The following GALNT9 variants were observed in gnomAD, a reference collection of about 807,000 sequenced individuals.
GALNT9 encodes the protein polypeptide N-acetylgalactosaminyltransferase 9.
Under a neutral mutation model 63.1 loss-of-function variants are expected in GALNT9, and 47 were observed. The ratio of observed to expected loss-of-function variants is 0.75; its 90% CI spans 0.59 to 0.95. The LOEUF (loss-of-function observed/expected upper bound fraction) is 0.95. GALNT9 is among the 40% of genes least tolerant of loss of function. The pLI is 0.00. For synonymous variants in GALNT9, 396 were observed against 365.7 expected (o/e 1.08, Z -0.94); for missense variants, 829 against 874.8 (o/e 0.95, Z 0.66).
In GALNT9 at chr12:132,282,394, C is replaced by CGTGT. The variant is rs1203756148; in HGVS notation, c.419+3852_419+3855dup. On this transcript the variant is annotated intron_variant, in intron 2 of 10. Transcript: ENST00000328957. This position sits in a 1 kb window ranked among gnomAD's most constrained non-coding sequence, Gnocchi z 4.5. ...GTGCTTAAAGAAAAAACTAAAAATA[C>CGTGT]GTGTGTGCGCGTGTGTGCGTGTGTG... 1.3e-5 allele frequency among the ~76,000 whole-genome samples: 2 copies of CGTGT among 149,326 alleles called. No individual in the cohort carries two copies. Among genetic ancestry groups the CGTGT allele is most frequent in the African/African-American group, 5.1e-5 (2 of 39,074 alleles).
chr12:132,235,396 G>T (rs1392754165), intron 6 of GALNT9, among the ~76,000 whole-genome samples: 1 of 152,182 alleles, frequency 6.6e-6, no homozygotes, highest in East Asian at 1.9e-4. Context: ...TGAACCCAGG[G>T]TCCTAGAGGA....
At chr12:132,248,136 T>C in intron 5 of GALNT9, 109 bp from the exon 6 acceptor site, 1 of 1,436,340 alleles carries the variant, frequency 7.0e-7, no homozygotes, top group East Asian at 2.5e-5. Context: ...CTCCCTCCTG[T>C]GCCTCCTCCC....
intron 1 of GALNT9, 100 bp downstream of exon 1, chr12:132,328,866 C>T (rs1869158241): frequency 2.3e-6 from 3 of 1,327,384 alleles, no homozygotes; most frequent in Non-Finnish European, 3.0e-6. Flanking sequence ...CACAGGGGCG[C>T]AGAGGGGCGC....
intron 6 of GALNT9, among the ~76,000 whole-genome samples, chr12:132,219,148 G>C (rs561841807): frequency 6.6e-6 from 1 of 152,196 alleles, no homozygotes; most frequent in East Asian, 1.9e-4. Flanking sequence ...TCCCTTGATC[G>C]GCAGAACGAC....
chr12:132,323,907 T>C (rs1213471080), intron 1 of GALNT9, among the ~76,000 whole-genome samples: 1 of 151,528 alleles, frequency 6.6e-6, no homozygotes, highest in East Asian at 2.0e-4. Context: ...GACTGAAGCC[T>C]CCAGGGCGCT....
chr12:132,309,106 G>A (rs1039447299), intron 1 of GALNT9, among the ~76,000 whole-genome samples: 16 of 152,204 alleles, frequency 1.1e-4, no homozygotes, highest in African/African-American at 3.4e-4. Context: ...CACATCCACC[G>A]GGCTGCAGGC....
At chr12:132,299,778 A>G (rs1555243669) in intron 1 of GALNT9, among the ~76,000 whole-genome samples, 42 of 121,106 alleles carry the variant, frequency 3.5e-4, no homozygotes, top group Middle Eastern at 6.8e-3. Context: ...GAGATGACCA[A>G]CCCACTCCTG....
Position 132,296,436 on chromosome 12 carries a change from A to T in GALNT9, c.239-10006T>A, listed in dbSNP as rs1360762563. Among the ~76,000 whole-genome samples the T allele has an allele frequency of 6.6e-6, 1 of 152,222 alleles. No homozygotes were observed. The highest frequency in any genetic ancestry group is 1.9e-4 in the East Asian group (1 of 5,196). On this transcript the variant is annotated intron_variant, in intron 1 of 10. Transcript: ENST00000328957. The surrounding 1 kb of genome is among the most constrained non-coding windows in gnomAD (Gnocchi z 4.2). ...CATGGGTGTCTTCCTGGGCTGCGTG[A>T]TATCAATCCCAAGTTTTCCTCTTTG...
chr12:132,215,107 A>G (rs1183528656), intron 6 of GALNT9, among the ~76,000 whole-genome samples: 1 of 152,194 alleles, frequency 6.6e-6, no homozygotes, highest in African/African-American at 2.4e-5. Context: ...GAAACGCGAC[A>G]CAATCGCTGT....
At chr12:132,251,741 G>A (rs1184989762) in intron 5 of GALNT9, among the ~76,000 whole-genome samples, 1 of 146,672 alleles carries the variant, frequency 6.8e-6, no homozygotes, top group Non-Finnish European at 1.5e-5. Flanking sequence ...CCAGAGCTTT[G>A]GAGGGAATAA....
At position 132,238,782 on chromosome 12, in the gene GALNT9, A is replaced by G. The variant is rs1248411996; in HGVS notation, c.1077+9128T>C. 6.6e-6 allele frequency among the ~76,000 whole-genome samples: 1 copy of G among 152,216 alleles called. No homozygotes were observed. The highest frequency in any genetic ancestry group is 6.5e-5 in the Admixed American group (1 of 15,282). ...CCCCTCATCTGCAGGCCACCCGCCCAGGGACGTGCTACCATTTACCTAACA... is the reference window on the plus strand; with the variant it reads ...CCCCTCATCTGCAGGCCACCCGCCCGGGGACGTGCTACCATTTACCTAACA... On this transcript the variant is annotated intron_variant, in intron 6 of 10. Transcript: ENST00000328957. The surrounding 1 kb of genome is among the most constrained non-coding windows in gnomAD (Gnocchi z 6.5).
At chr12:132,208,574 A>G (rs1876824101) in intron 6 of GALNT9, among the ~76,000 whole-genome samples, 1 of 152,180 alleles carries the variant, frequency 6.6e-6, no homozygotes, top group Non-Finnish European at 1.5e-5. Flanking sequence ...GGCCGCCAGC[A>G]TGAGGATGAG....
intron 1 of GALNT9, among the ~76,000 whole-genome samples, chr12:132,314,934 C>T (rs868977016): frequency 2.1e-4 from 32 of 152,358 alleles, no homozygotes; most frequent in Middle Eastern, 3.4e-3. Context: ...TCTGCCGAAG[C>T]AGCGCCATCA....
At chr12:132,322,883 C>T (rs1868868694) in intron 1 of GALNT9, among the ~76,000 whole-genome samples, 1 of 152,238 alleles carries the variant, frequency 6.6e-6, no homozygotes, top group South Asian at 2.1e-4. Flanking sequence ...CTTAGGCTGA[C>T]ACCAGTCCGC....
At chr12:132,197,750 G>GCCCCCCCCCCACCCC in intron 10 of GALNT9, 42 bp downstream of exon 10, 1 of 1,266,538 alleles carries the variant, frequency 7.9e-7, no homozygotes, top group Non-Finnish European at 1.1e-6. Flanking sequence ...CAGCAGCCCT[G>GCCCCCCCCCCACCCC]CCCCGCCCCA....
intron 2 of GALNT9, among the ~76,000 whole-genome samples, chr12:132,281,621 A>G (rs1186073566): frequency 5.9e-5 from 9 of 152,222 alleles, no homozygotes; most frequent in African/African-American, 1.7e-4. Flanking sequence ...GTTCATCCCG[A>G]TGTCGTTCTC....
chr12:132,285,034 C>T (rs1880534597), intron 2 of GALNT9, among the ~76,000 whole-genome samples: 1 of 152,372 alleles, frequency 6.6e-6, no homozygotes, highest in Non-Finnish European at 1.5e-5. Context: ...CCCCTCTCTT[C>T]CCTGCCAGCC....
chr12:132,240,922 C>A (rs2136900149), intron 6 of GALNT9, among the ~76,000 whole-genome samples: 2,310 of 28,378 alleles, frequency 0.081, 12 homozygotes, highest in Middle Eastern at 0.18. Context: ...CCCTCCCTAT[C>A]CCCATTACAC....
At position 132,226,328 on chromosome 12, in the gene GALNT9, A is replaced by G. The variant is rs1209885462; in HGVS notation, c.1077+21582T>C. 4.7e-5 allele frequency among the ~76,000 whole-genome samples: 7 copies of G among 148,826 alleles called. 2 individuals carry two copies. In the South Asian group the frequency reaches 8.6e-4, roughly 18 times the overall value. Reference sequence around the variant, plus strand: ...TACACGCTGCACATACTGTACATACACCTCACACATACATCCCTTATACCC... The same window carrying G: ...TACACGCTGCACATACTGTACATACGCCTCACACATACATCCCTTATACCC... On this transcript the variant is annotated intron_variant, in intron 6 of 10. Transcript: ENST00000328957.
Sources: gnomAD v4.1 joint callset for allele counts (sites outside exome capture counted in the v4.1 genomes callset) on GRCh38, gnomAD v4.1.1 for gene constraint, Gnocchi (gnomAD v3.1) non-coding constraint, MANE v1.5 for transcripts, NCBI Gene and HGNC (gene_info 2026-07-23, HGNC 2026-07-21) for gene names.